Variants in CADM2 observed in about 807,000 individuals in gnomAD.
CADM2 encodes immunoglobulin superfamily member 4D.
In CADM2, 12 loss-of-function variants were observed where a neutral mutation model predicts 49.8. That is an observed-to-expected ratio of 0.24 (90% CI 0.15 to 0.39). The LOEUF (loss-of-function observed/expected upper bound fraction) is 0.39. Among genes scored for constraint, CADM2 ranks in the 10% least tolerant of loss-of-function variants. The probability of loss-of-function intolerance (pLI) is 1.00; values close to 1 mark genes in which losing one functional copy is unlikely to be tolerated. For missense variants in CADM2, 378 were observed against 492.3 expected (o/e 0.77, Z 2.20); for synonymous variants, 214 against 175.4 (o/e 1.22, Z -1.74).
chr3:85,172,623 T>C (rs1284255579), intron 1 of CADM2, among the ~76,000 whole-genome samples: 1 of 151,820 alleles, frequency 6.6e-6, no homozygotes, highest in Non-Finnish European at 1.5e-5. Context: ...GGAACTAACT[T>C]GTGAGAGTCT....
chr3:85,443,952 C>A (rs1262871112), intron 1 of CADM2, among the ~76,000 whole-genome samples: 1 of 152,106 alleles, frequency 6.6e-6, no homozygotes, highest in African/African-American at 2.4e-5. Flanking sequence ...CCCCAAATTG[C>A]ATCTGTTTTC....
intron 1 of CADM2, among the ~76,000 whole-genome samples, chr3:85,161,977 C>T (rs1381586232): frequency 6.6e-6 from 1 of 151,842 alleles, no homozygotes; most frequent in Non-Finnish European, 1.5e-5. Context: ...TGACTACACT[C>T]CAGACTCCGC....
At chr3:85,782,215 C>T (rs940325775) in intron 2 of CADM2, among the ~76,000 whole-genome samples, 14 of 152,054 alleles carry the variant, frequency 9.2e-5, no homozygotes, top group Non-Finnish European at 1.8e-4. Flanking sequence ...ATGTGGTTTA[C>T]TCATAGGAGG....
chr3:85,286,915 C>T (rs1434448217), intron 1 of CADM2, among the ~76,000 whole-genome samples: 1 of 152,054 alleles, frequency 6.6e-6, no homozygotes, highest in African/African-American at 2.4e-5. Context: ...CATTCAATAT[C>T]AGTAATTTGA....
chr3:85,878,512 T>A (rs1334527937), intron 3 of CADM2, among the ~76,000 whole-genome samples: 3 of 152,114 alleles, frequency 2.0e-5, no homozygotes, highest in Admixed American at 1.3e-4. Context: ...TTCCTCAGGA[T>A]TCCAAACCCC....
At chr3:86,059,847 A>G (rs1738403992) in intron 8 of CADM2, among the ~76,000 whole-genome samples, 1 of 152,154 alleles carries the variant, frequency 6.6e-6, no homozygotes, top group Non-Finnish European at 1.5e-5. Flanking sequence ...ATAAAAACTT[A>G]AGGAGAGGCT....
intron 8 of CADM2, among the ~76,000 whole-genome samples, chr3:86,025,672 T>G (rs537255391): frequency 6.6e-6 from 1 of 152,176 alleles, no homozygotes; most frequent in Non-Finnish European, 1.5e-5. Context: ...GATATTAGAT[T>G]ATAAATTCAT....
At chr3:85,242,445 A>G (rs1372232600) in intron 1 of CADM2, among the ~76,000 whole-genome samples, 2 of 151,560 alleles carry the variant, frequency 1.3e-5, no homozygotes, top group Non-Finnish European at 3.0e-5. Flanking sequence ...CCTTTATAGG[A>G]AAATGTTTTT....
At chr3:86,018,436 C>G (rs1370581318) in intron 8 of CADM2, among the ~76,000 whole-genome samples, 1 of 151,668 alleles carries the variant, frequency 6.6e-6, no homozygotes, top group East Asian at 1.9e-4. Flanking sequence ...AGTTCTAGAT[C>G]CCTGAGGAAT....
chr3:85,157,521 T>G (rs531463385), intron 1 of CADM2, among the ~76,000 whole-genome samples: 4 of 152,000 alleles, frequency 2.6e-5, no homozygotes, highest in Non-Finnish European at 5.9e-5. Flanking sequence ...AACAGAGCCC[T>G]CAGAAATAAT....
intron 1 of CADM2, among the ~76,000 whole-genome samples, chr3:85,553,902 G>A (rs1465520770): frequency 6.6e-6 from 1 of 152,182 alleles, no homozygotes; most frequent in Non-Finnish European, 1.5e-5. Flanking sequence ...ACAGCTGTTT[G>A]AATCAGAAAA....
chr3:85,415,348 A>C (rs2107481570), intron 1 of CADM2, among the ~76,000 whole-genome samples: 1 of 151,682 alleles, frequency 6.6e-6, no homozygotes, highest in Middle Eastern at 3.4e-3. Flanking sequence ...TGTGTTTAGT[A>C]ATTTGCATTT....
In CADM2 at chr3:86,072,500, G is replaced by A. The variant is rs1703342609; in HGVS notation, c.*5717G>A. On this transcript the variant is annotated 3_prime_UTR_variant, in exon 10 of 10. Coordinates refer to ENST00000383699, the MANE Select transcript of CADM2 (RefSeq NM_001167675.2). ...TTAAAAGATATTTGAAGATTGCAGG[G>A]GCAAAACAAAAACCTACCAGGGCTC... 1.3e-5 allele frequency: 2 copies of A among 151,808 alleles called. No homozygotes were observed. The highest frequency in any genetic ancestry group is 2.9e-5 in the Non-Finnish European group (2 of 67,922). The allele number at this position is 151,808 out of a possible 1,614,324, so 9.4% of individuals were successfully genotyped here.
At chr3:85,660,920 A>AG (rs1553657174) in intron 1 of CADM2, among the ~76,000 whole-genome samples, 1 of 152,002 alleles carries the variant, frequency 6.6e-6, no homozygotes, top group South Asian at 2.1e-4. Flanking sequence ...ACTAAAAAAA[A>AG]AAAAAACAGA....
intron 1 of CADM2, among the ~76,000 whole-genome samples, chr3:85,153,684 T>A (rs1228234004): frequency 6.6e-6 from 1 of 152,070 alleles, no homozygotes; most frequent in East Asian, 1.9e-4. Context: ...GACTTAAATG[T>A]CCCTGTCTGA....
At chr3:85,420,136 C>T (rs1282178210) in intron 1 of CADM2, among the ~76,000 whole-genome samples, 1 of 152,120 alleles carries the variant, frequency 6.6e-6, no homozygotes, top group Non-Finnish European at 1.5e-5. Context: ...AAGTTTTCTT[C>T]CTGGAATCTT....
chr3:85,528,158 TTC>T (rs1263018683), intron 1 of CADM2, among the ~76,000 whole-genome samples: 1 of 152,154 alleles, frequency 6.6e-6, no homozygotes, highest in Non-Finnish European at 1.5e-5. Context: ...TTCTTCATAT[TTC>T]TCTCCTCAGG....
At chr3:85,195,727 A>G (rs1050664817) in intron 1 of CADM2, among the ~76,000 whole-genome samples, 3 of 152,080 alleles carry the variant, frequency 2.0e-5, no homozygotes, top group Non-Finnish European at 2.9e-5. Context: ...AAGTTTATAG[A>G]AAGTTTCTTT....
chr3:85,909,020 G>A (rs556715367), intron 5 of CADM2, among the ~76,000 whole-genome samples: 27 of 152,170 alleles, frequency 1.8e-4, no homozygotes, highest in Non-Finnish European at 3.5e-4. Flanking sequence ...CACCACGCCC[G>A]GCCTACAGTT....
Sources: gnomAD v4.1 joint callset for allele counts (sites outside exome capture counted in the v4.1 genomes callset) on GRCh38, gnomAD v4.1.1 for gene constraint, MANE v1.5 for transcripts, NCBI Gene and HGNC (gene_info 2026-07-23, HGNC 2026-07-21) for gene names.